Variants in RBM15 observed in about 807,000 individuals in gnomAD.
The protein encoded by RBM15 is RNA binding motif protein 15, also known as RNA-binding protein 15.
A neutral mutation model predicts 62.6 loss-of-function variants in RBM15; 8 were observed. The ratio of observed to expected loss-of-function variants is 0.13; its 90% CI spans 0.07 to 0.23. The LOEUF (loss-of-function observed/expected upper bound fraction) is 0.23. Ranked by LOEUF, RBM15 falls within the 10% of genes least tolerant of loss-of-function variation. The probability of loss-of-function intolerance (pLI) is 1.00; values close to 1 mark genes in which losing one functional copy is unlikely to be tolerated. For synonymous variants in RBM15, 606 were observed against 505.7 expected, an observed-to-expected ratio of 1.20 and a Z score of -2.66; for missense variants, 1,144 against 1,286.5, an observed-to-expected ratio of 0.89 and a Z score of 1.69.
At position 110,341,561 on chromosome 1, in the gene RBM15, G is replaced by A. The variant is rs148790140; in HGVS notation, c.2156G>A (p.Arg719His). 5.8e-5 allele frequency: 94 copies of A among 1,613,930 alleles called. No individual in the cohort carries two copies. Among genetic ancestry groups the A allele is most frequent in the Non-Finnish European group, 7.5e-5 (88 of 1,180,022 alleles). Residue 719 changes from arginine to histidine, a missense_variant, in exon 1 of 3, where the codon CGT becomes CAT. Physicochemically the swap from Arg to His is conservative, Grantham distance 29 (BLOSUM62 0). Transcript: ENST00000369784. This position sits in a 1 kb window ranked among gnomAD's most constrained non-coding sequence, Gnocchi z 4.5. ...LEKSQGDKRD[R>H]KNSASAERDR... ...AAGAGCCAGGGTGACAAGCGAGACCGTAAAAACTCTGCATCAGCTGAACGA... is the reference window on the plus strand; with the variant it reads ...AAGAGCCAGGGTGACAAGCGAGACCATAAAAACTCTGCATCAGCTGAACGA...
At position 110,339,506 on chromosome 1, in the gene RBM15, T is replaced by TCCGCGGAGACGACCTCCGACGAC. The variant is rs1557890311; in HGVS notation, c.106_128dup (p.Thr44GlufsTer10). ...AGCGCGGGGCGGCGGGTTACTCAGC[T>TCCGCGGAGACGACCTCCGACGAC]CCGCGGAGACGACCTCCGACGACCC... On this transcript the variant is annotated frameshift_variant, in exon 1 of 3. Transcript: ENST00000369784. LOFTEE classifies it high-confidence loss of function. 1.3e-6 allele frequency: 2 copies of TCCGCGGAGACGACCTCCGACGAC among 1,595,946 alleles called. No homozygotes were observed. Among genetic ancestry groups the TCCGCGGAGACGACCTCCGACGAC allele is most frequent in the East Asian group, 2.2e-5 (1 of 44,498 alleles).
At chr1:110,344,747 A>C (rs2100941675) in intron 1 of RBM15, among the ~76,000 whole-genome samples, 1 of 152,246 alleles carries the variant, frequency 6.6e-6, no homozygotes, top group East Asian at 1.9e-4. Flanking sequence ...TCTACTTCTC[A>C]TTAGCCAGGA....
Position 110,341,614 on chromosome 1 carries a change from A to C in RBM15, c.2209A>C (p.Thr737Pro), listed in dbSNP as rs774060274. 1.2e-6 allele frequency: 2 copies of C among 1,614,146 alleles called. No homozygotes were observed. Among genetic ancestry groups the C allele is most frequent in the East Asian group, 4.5e-5 (2 of 44,872 alleles). ...RDRKHRTTAP[T>P]EGKSPLKKED... ...TAGGAAGCACCGGACAACTGCTCCCACTGAGGGAAAAAGCCCTCTGAAAAA... is the reference window on the plus strand; with the variant it reads ...TAGGAAGCACCGGACAACTGCTCCCCCTGAGGGAAAAAGCCCTCTGAAAAA... The change falls in exon 1 of 3, where the codon ACT becomes CCT. Residue 737 changes from threonine (T) to proline (P), a missense_variant. Thr to Pro is a conservative substitution (Grantham distance 38). Coordinates refer to ENST00000369784, the MANE Select transcript of RBM15 (RefSeq NM_022768.5). The surrounding 1 kb of genome is among the most constrained non-coding windows in gnomAD (Gnocchi z 4.5).
At position 110,339,606 on chromosome 1, in the gene RBM15, C is replaced by T. The variant is rs781104393; in HGVS notation, c.201C>T (p.Arg67=). The change falls in exon 1 of 3, where the codon CGC becomes CGT. Residue 67 remains arginine (R), a synonymous_variant. Transcript: ENST00000369784. The part of the protein sequence containing the change: ...RSRGGEDSTS[R]GERSKKLGGS... ...GTGGTGGTGAGGACTCGACTTCCCG[C>T]GGTGAGCGGAGCAAGAAGTTAGGGG... 20 of 1,609,426 alleles carry T rather than the reference C, an allele frequency of 1.2e-5. 1 individual carries two copies. The East Asian group carries it at 4.0e-4, about 32-fold the overall frequency.
In RBM15 at chr1:110,342,031, G is replaced by A. The variant is rs1179958435; in HGVS notation, c.2626G>A (p.Ala876Thr). ...TGACAGCCGGTCCTCCTCTTCCTCA[G>A]CTGCATCAGACACTGCCACTTCTAC... Reference protein sequence around the residue: ...SSDSRSSSSSAASDTATSTQR... With the variant: ...SSDSRSSSSSTASDTATSTQR... Residue 876 changes from alanine to threonine, a missense_variant, in exon 1 of 3, where the codon GCT (alanine) becomes ACT (threonine). Around this residue, in one of 8 missense-constraint regions of RBM15, gnomAD observed 144 missense variants for 223.3 expected, o/e 0.64. Transcript: ENST00000369784. 2 of 1,614,238 alleles carry A rather than the reference G, an allele frequency of 1.2e-6. No individual in the cohort carries two copies. The highest frequency in any genetic ancestry group is 1.7e-6 in the Non-Finnish European group (2 of 1,180,046).
Position 110,341,104 on chromosome 1 carries a change from A to G in RBM15, c.1699A>G (p.Arg567Gly), listed in dbSNP as rs778221052. The G allele has an allele frequency of 1.4e-5, 23 of 1,614,088 alleles. 1 individual carries two copies. In the South Asian group the frequency reaches 2.1e-4, roughly 15 times the overall value. Residue 567 changes from arginine to glycine, a missense_variant, in exon 1 of 3, where the codon AGG (arginine) becomes GGG (glycine). Coordinates refer to ENST00000369784, the MANE Select transcript of RBM15 (RefSeq NM_022768.5). The surrounding 1 kb of genome is among the most constrained non-coding windows in gnomAD (Gnocchi z 4.5). ...AGACCCTTTGAGGGGTGCTCGGGAT[A>G]GGACACCACCCTTACTATACAGAGA... ...APDPLRGARD[R>G]TPPLLYRDRD...
Position 110,341,434 on chromosome 1 carries a change from T to C in RBM15, c.2029T>C (p.Leu677=). 1 of 1,614,176 alleles carries C rather than the reference T, an allele frequency of 6.2e-7. No homozygotes were observed. Among genetic ancestry groups the C allele is most frequent in the East Asian group, 2.2e-5 (1 of 44,872 alleles). ...CAPSPDRSPE[L]SSSRDRYNSD... ...TCCTTCTCCTGACCGCAGTCCAGAA[T>C]TGAGCAGTAGCCGGGATCGTTACAA... is the stretch of plus-strand genomic sequence containing the variant. The change falls in exon 1 of 3, where the codon TTG becomes CTG. Residue 677 remains leucine (L), a synonymous_variant. Coordinates refer to ENST00000369784, the MANE Select transcript of RBM15 (RefSeq NM_022768.5). The surrounding 1 kb of genome is among the most constrained non-coding windows in gnomAD (Gnocchi z 4.5).
At position 110,340,502 on chromosome 1, in the gene RBM15, C is replaced by G. The variant is rs200593522; in HGVS notation, c.1097C>G (p.Pro366Arg). 1.9e-6 allele frequency: 3 copies of G among 1,613,946 alleles called. No homozygotes were observed. The Admixed American group carries it at 5.0e-5, about 27-fold the overall frequency. Residue 366 changes from proline (P) to arginine (R), a missense_variant, in exon 1 of 3, where the codon CCC (proline) becomes CGC (arginine). Pro to Arg is a moderately radical substitution (Grantham distance 103, BLOSUM62 -2). Coordinates refer to ENST00000369784, the MANE Select transcript of RBM15 (RefSeq NM_022768.5). This position sits in a 1 kb window ranked among gnomAD's most constrained non-coding sequence, Gnocchi z 5.8. Reference sequence around the variant, plus strand: ...TTCAGAGAAGTGGATGAGATTTCACCCGAGGATGATCAGCGAGCTAACCGG... The same window carrying G: ...TTCAGAGAAGTGGATGAGATTTCACGCGAGGATGATCAGCGAGCTAACCGG... ...APFREVDEIS[P>R]EDDQRANRTL...
chr1:110,345,741 C>T (rs757584434), intron 2 of RBM15, 92 bp downstream of exon 2: 1 of 752,672 alleles, frequency 1.3e-6, no homozygotes, highest in African/African-American at 1.8e-5. Context: ...TGTTCTTTGG[C>T]TGTTTAACAA....
rs763122855 is a variant in RBM15 at position 110,341,646 on chromosome 1, C to T, written c.2241C>T (p.Asp747=). 2 of 1,614,028 alleles carry T rather than the reference C, an allele frequency of 1.2e-6. No homozygotes were observed. The highest frequency in any genetic ancestry group is 2.2e-5 in the East Asian group (1 of 44,882). ...TEGKSPLKKE[D]RSDGSAPSTS... is the part of the protein sequence containing the mutation. The stretch of plus-strand genomic sequence containing the variant: ...GAAAAAGCCCTCTGAAAAAAGAAGA[C>T]CGCTCTGATGGGAGTGCACCTAGCA... Residue 747 remains aspartate (D), a synonymous_variant, in exon 1 of 3, where the codon GAC becomes GAT. Transcript: ENST00000369784. The surrounding 1 kb of genome is among the most constrained non-coding windows in gnomAD (Gnocchi z 4.5).
chr1:110,345,494 T>G lies in RBM15; in HGVS notation c.2864-45T>G. ...TAATGACCTTTTATGTGAAAAAAAT[T>G]TTGGAGAGAATTTCTGGACATTTTT... is the stretch of plus-strand genomic sequence containing the variant. On this transcript the variant is annotated intron_variant, in intron 1 of 2. Transcript: ENST00000369784. 4.3e-6 allele frequency: 6 copies of G among 1,393,616 alleles called. No individual in the cohort carries two copies. In the South Asian group the frequency reaches 7.0e-5, roughly 16 times the overall value. The allele number at this position is 1,393,616 out of a possible 1,614,324, so 86.3% of individuals were successfully genotyped here. A position where few individuals can be genotyped will look rare whatever the true frequency, so the allele number is the denominator to read the frequency against.
rs565137059 is a variant in RBM15 at position 110,339,506 on chromosome 1, T to G, written c.101T>G (p.Leu34Arg). 2.5e-6 allele frequency: 4 copies of G among 1,595,828 alleles called. No individual in the cohort carries two copies. Among genetic ancestry groups the G allele is most frequent in the Admixed American group, 3.4e-5 (2 of 58,926 alleles). Residue 34 changes from leucine (L) to arginine (R), a missense_variant, in exon 1 of 3, where the codon CTC becomes CGC. Leu to Arg is a moderately radical substitution (Grantham distance 102). This residue lies in a region of RBM15 where 298 missense variants were observed against 250.0 expected (regional missense o/e 1.19). Coordinates refer to ENST00000369784, the MANE Select transcript of RBM15 (RefSeq NM_022768.5). ...ETSAGRRVTQ[L>R]RGDDLRRPAT... ...AGCGCGGGGCGGCGGGTTACTCAGC[T>G]CCGCGGAGACGACCTCCGACGACCC... is the stretch of plus-strand genomic sequence containing the variant.
At chr1:110,343,827 T>C (rs1336497233) in intron 1 of RBM15, among the ~76,000 whole-genome samples, 1 of 152,188 alleles carries the variant, frequency 6.6e-6, no homozygotes, top group African/African-American at 2.4e-5. Context: ...TCAAAGCTGG[T>C]AGTTTTGAAA....
In RBM15 at chr1:110,340,129, G is replaced by T; in HGVS notation, c.724G>T (p.Asp242Tyr). ...KHARGRLVLYDRPLKIEAVYV... is the reference protein window; with the variant it reads ...KHARGRLVLYYRPLKIEAVYV... ...TGCCAGAGGCCGCCTGGTGCTCTATGACCGGCCTCTGAAGATAGAAGCTGT... is the reference window on the plus strand; with the variant it reads ...TGCCAGAGGCCGCCTGGTGCTCTATTACCGGCCTCTGAAGATAGAAGCTGT... The change falls in exon 1 of 3, where the codon GAC (aspartate) becomes TAC (tyrosine). Residue 242 changes from aspartate to tyrosine, a missense_variant. Asp to Tyr is a radical substitution (Grantham distance 160). Coordinates refer to ENST00000369784, the MANE Select transcript of RBM15 (RefSeq NM_022768.5). This position sits in a 1 kb window ranked among gnomAD's most constrained non-coding sequence, Gnocchi z 5.8. The T allele has an allele frequency of 6.2e-7, 1 of 1,613,786 alleles. No homozygotes were observed. The highest frequency in any genetic ancestry group is 1.1e-5 in the South Asian group (1 of 91,056).
At position 110,346,441 on chromosome 1, in the gene RBM15, AT is replaced by A. The variant is rs1660900404; in HGVS notation, c.*178del. 2 of 1,296,200 alleles carry A rather than the reference AT, an allele frequency of 1.5e-6. No homozygotes were observed. The highest frequency in any genetic ancestry group is 1.5e-5 in the African/African-American group (1 of 67,560). The allele number at this position is 1,296,200 out of a possible 1,614,324, so 80.3% of individuals were successfully genotyped here. On this transcript the variant is annotated 3_prime_UTR_variant, in exon 3 of 3. Transcript: ENST00000369784. Reference sequence around the variant, plus strand: ...AAGCTAATCTGTTTAGTATTTGTGCATTTTACTAAAATGGCAGCTTAAAGTT... The same window carrying A: ...AAGCTAATCTGTTTAGTATTTGTGCATTTACTAAAATGGCAGCTTAAAGTT...
rs1570610979 is a variant in RBM15 at position 110,340,410 on chromosome 1, C to G, written c.1005C>G (p.Phe335Leu). The G allele has an allele frequency of 6.2e-7, 1 of 1,614,198 alleles. No homozygotes were observed. The highest frequency in any genetic ancestry group is 2.2e-5 in the East Asian group (1 of 44,890). Residue 335 changes from phenylalanine (F) to leucine (L), a missense_variant, in exon 1 of 3, where the codon TTC becomes TTG. By Grantham distance (22) the Phe-to-Leu change is conservative. Transcript: ENST00000369784. The surrounding 1 kb of genome is among the most constrained non-coding windows in gnomAD (Gnocchi z 5.8). ...RDLERERDYP[F>L]YERVRPAYSL... ...TGGAGAGAGAAAGAGACTACCCGTT[C>G]TATGAGAGAGTGCGCCCTGCATACA...
Position 110,346,535 on chromosome 1 carries a change from G to A in RBM15, c.*268G>A. On this transcript the variant is annotated 3_prime_UTR_variant, in exon 3 of 3. Transcript: ENST00000369784. ...AAAAAAAATGACCTCTTTGATTTGT[G>A]CTGTGTACACAAGATTTCTGGAAAA... 4 of 641,000 alleles carry A rather than the reference G, an allele frequency of 6.2e-6. No homozygotes were observed. Among genetic ancestry groups the A allele is most frequent in the Non-Finnish European group, 1.1e-5 (4 of 366,220 alleles). The allele number at this position is 641,000 out of a possible 1,614,324, so 39.7% of individuals were successfully genotyped here.
chr1:110,340,152 T>A lies in RBM15; in HGVS notation c.747T>A (p.Ala249=), dbSNP rs559942192. 58 of 1,613,880 alleles carry A rather than the reference T, an allele frequency of 3.6e-5. No individual in the cohort carries two copies. In the South Asian group the frequency reaches 5.9e-4, roughly 16 times the overall value. ...ATGACCGGCCTCTGAAGATAGAAGC[T>A]GTGTATGTGAGCCGGCGCCGCAGCC... The part of the protein sequence containing the change: ...VLYDRPLKIE[A]VYVSRRRSRS... The change falls in exon 1 of 3, where the codon GCT becomes GCA. Residue 249 remains alanine, a synonymous_variant. Coordinates refer to ENST00000369784, the MANE Select transcript of RBM15 (RefSeq NM_022768.5). The surrounding 1 kb of genome is among the most constrained non-coding windows in gnomAD (Gnocchi z 5.8).
intron 1 of RBM15, 83 bp from the exon 2 acceptor site, chr1:110,345,456 G>T: frequency 1.1e-6 from 1 of 882,582 alleles, no homozygotes. Context: ...AAATCCTCTT[G>T]AGAAGAGGGC....
Sources: allele counts gnomAD v4.1 joint callset (sites outside exome capture counted in the v4.1 genomes callset), GRCh38; gene constraint gnomAD v4.1.1; regional missense constraint gnomAD v4.1.1; non-coding constraint Gnocchi (gnomAD v3.1); transcripts MANE v1.5; gene names NCBI Gene and HGNC (gene_info 2026-07-23, HGNC 2026-07-21).